The following RBMS1 variants were observed in gnomAD, a reference collection of about 807,000 sequenced individuals.
The protein encoded by RBMS1 is RNA-binding motif, single-stranded-interacting protein 1.
A neutral mutation model predicts 62.3 loss-of-function variants in RBMS1; 17 were observed. That is an observed-to-expected ratio of 0.27 (90% confidence interval 0.19 to 0.41). The LOEUF (loss-of-function observed/expected upper bound fraction) is 0.41. Among genes scored for constraint, RBMS1 ranks in the 10% least tolerant of loss-of-function variants. RBMS1 has a pLI of 1.00. For missense variants in RBMS1, 334 were observed against 504.5 expected, an observed-to-expected ratio of 0.66 and a Z score of 3.24; for synonymous variants, 172 against 170.0, an observed-to-expected ratio of 1.01 and a Z score of -0.09.
At chr2:160,480,236 A>G (rs1196689128) in intron 1 of RBMS1, among the ~76,000 whole-genome samples, 1 of 152,220 alleles carries the variant, frequency 6.6e-6, no homozygotes. Context: ...AACAACATCA[A>G]ATAAACAAAG....
chr2:160,488,349 C>T (rs530719679), intron 1 of RBMS1, among the ~76,000 whole-genome samples: 12 of 152,196 alleles, frequency 7.9e-5, no homozygotes, highest in East Asian at 5.8e-4. Flanking sequence ...GAGGCTGAGG[C>T]GGCGGATCAC....
At chr2:160,311,880 T>A (rs781048844) in intron 4 of RBMS1, among the ~76,000 whole-genome samples, 1 of 152,226 alleles carries the variant, frequency 6.6e-6, no homozygotes, top group Non-Finnish European at 1.5e-5. Flanking sequence ...GTAGGTATTA[T>A]GATGTAATGC....
intron 1 of RBMS1, among the ~76,000 whole-genome samples, chr2:160,410,352 A>T (rs1004765696): frequency 3.3e-5 from 5 of 152,100 alleles, no homozygotes; most frequent in Non-Finnish European, 7.4e-5. Flanking sequence ...TATATGTTTT[A>T]AAAAAACAAT....
chr2:160,485,962 G>A (rs972887928), intron 1 of RBMS1, among the ~76,000 whole-genome samples: 1 of 152,028 alleles, frequency 6.6e-6, no homozygotes, highest in African/African-American at 2.4e-5. Flanking sequence ...AAACCTGTTG[G>A]ATGATGAAAC....
At chr2:160,355,658 T>C (rs915773159) in intron 2 of RBMS1, among the ~76,000 whole-genome samples, 8 of 152,004 alleles carry the variant, frequency 5.3e-5, no homozygotes, top group Non-Finnish European at 8.8e-5. Flanking sequence ...CATCAGTGAA[T>C]ACCAGACAGG....
At chr2:160,444,707 G>T (rs1222590903) in intron 1 of RBMS1, among the ~76,000 whole-genome samples, 1 of 152,148 alleles carries the variant, frequency 6.6e-6, no homozygotes, top group Non-Finnish European at 1.5e-5. Flanking sequence ...GCTGTAGGAG[G>T]TAATTAAAGT....
At chr2:160,409,280 T>TAA (rs34622117) in intron 1 of RBMS1, among the ~76,000 whole-genome samples, 95 of 141,916 alleles carry the variant, frequency 6.7e-4, no homozygotes, top group South Asian at 3.6e-3. Context: ...TTCTTTTCAT[T>TAA]AAAAAAAAAA....
At chr2:160,373,824 T>C (rs1302777946) in intron 1 of RBMS1, among the ~76,000 whole-genome samples, 1 of 152,130 alleles carries the variant, frequency 6.6e-6, no homozygotes, top group African/African-American at 2.4e-5. Context: ...CTTAATTGCA[T>C]TGCTTATAAT....
In RBMS1 at chr2:160,371,928, C is replaced by T. The variant is rs569143149; in HGVS notation, c.76-4537G>A. On this transcript the variant is annotated intron_variant, in intron 1 of 13. Transcript: ENST00000348849. ...GGTAATACTATCTCCCTCTCTATCA[C>T]ATCACCCCCTATAGAGAAGAGAGAA... Among the ~76,000 whole-genome samples the T allele has an allele frequency of 2.6e-4, 39 of 152,336 alleles. 1 individual carries two copies. The Middle Eastern group carries it at 0.01, about 40-fold the overall frequency.
intron 9 of RBMS1, chr2:160,282,392 C>G (rs1688146798): frequency 8.9e-7 from 1 of 1,129,924 alleles, no homozygotes; most frequent in Non-Finnish European, 1.2e-6. Flanking sequence ...TTGGTGGTTT[C>G]TTGCAGCTGC....
intron 1 of RBMS1, among the ~76,000 whole-genome samples, chr2:160,458,370 A>G (rs1684329116): frequency 6.6e-6 from 1 of 152,246 alleles, no homozygotes; most frequent in African/African-American, 2.4e-5. Context: ...ACTCATATTT[A>G]AAGTTACTTA....
Position 160,275,615 on chromosome 2 carries a change from A to T in RBMS1, c.*7+15T>A, listed in dbSNP as rs752757951. On this transcript the variant is annotated intron_variant, in intron 13 of 13. Transcript: ENST00000348849. ...TGATTTGAGCCCCCCAGTTATGAAG[A>T]CCTTTCCCTCATACCTCACAGTTAC... 1 of 1,611,506 alleles carries T rather than the reference A, an allele frequency of 6.2e-7. No individual in the cohort carries two copies. The highest frequency in any genetic ancestry group is 1.7e-5 in the Admixed American group (1 of 59,890).
In RBMS1 at chr2:160,458,567, C is replaced by T. The variant is rs574748399; in HGVS notation, c.75+34722G>A. 1.2e-4 allele frequency among the ~76,000 whole-genome samples: 19 copies of T among 152,220 alleles called. No individual in the cohort carries two copies. In the South Asian group the frequency reaches 3.9e-3, roughly 32 times the overall value. Reference sequence around the variant, plus strand: ...ATCCCAGCACTTTGGGAGGCCAAGGCGGGTGGATCACCTGGGGTCAGGGGC... The same window carrying T: ...ATCCCAGCACTTTGGGAGGCCAAGGTGGGTGGATCACCTGGGGTCAGGGGC... On this transcript the variant is annotated intron_variant, in intron 1 of 13. Transcript: ENST00000348849.
At chr2:160,421,865 T>C (rs1007044435) in intron 1 of RBMS1, among the ~76,000 whole-genome samples, 18 of 152,242 alleles carry the variant, frequency 1.2e-4, no homozygotes, top group African/African-American at 4.3e-4. Flanking sequence ...TGGTATCTCA[T>C]TGTGGTTTTG....
chr2:160,318,229 T>TAAAAAAAAAAAAAAAAAAAAAAGAAAA lies in RBMS1; in HGVS notation c.252-3_252-2insTTTTCTTTTTTTTTTTTTTTTTTTTTT, dbSNP rs1690337597. 1.0e-6 allele frequency: 1 copy of TAAAAAAAAAAAAAAAAAAAAAAGAAAA among 993,498 alleles called. No homozygotes were observed. 61.5% of individuals were successfully genotyped at this position (993,498 alleles called of 1,614,324 possible). A position where few individuals can be genotyped will look rare whatever the true frequency, so the allele number is the denominator to read the frequency against. Reference sequence around the variant, plus strand: ...TTTGTGGAGACTATTTTCCCATATCTAAAAAAAAAAAAAAAAAAAAAAAGG... The same window carrying TAAAAAAAAAAAAAAAAAAAAAAGAAAA: ...TTTGTGGAGACTATTTTCCCATATCTAAAAAAAAAAAAAAAAAAAAAAGAAAAAAAAAAAAAAAAAAAAAAAAAAAGG... On this transcript the variant is annotated splice_polypyrimidine_tract_variant and splice_region_variant and intron_variant, in intron 2 of 13. Coordinates refer to ENST00000348849, the MANE Select transcript of RBMS1 (RefSeq NM_016836.4).
Position 160,303,429 on chromosome 2 carries a change from T to G in RBMS1, c.461A>C (p.Glu154Ala), listed in dbSNP as rs1689321836. ...TTTGAGCATATTTTCTAGTTCTTGC[T>G]CATCCATGGAGAGTGGCAAATTAGA... is the stretch of plus-strand genomic sequence containing the variant. ...YISNLPLSMDEQELENMLKPF... is the reference protein window; with the variant it reads ...YISNLPLSMDAQELENMLKPF... Residue 154 changes from glutamate (E) to alanine (A), a missense_variant, in exon 5 of 14, where the codon GAG (glutamate) becomes GCG (alanine). Physicochemically the swap from Glu to Ala is moderately radical, Grantham distance 107. Transcript: ENST00000348849. The G allele has an allele frequency of 6.2e-7, 1 of 1,613,750 alleles. No individual in the cohort carries two copies. Among genetic ancestry groups the G allele is most frequent in the Non-Finnish European group, 8.5e-7 (1 of 1,179,712 alleles).
intron 1 of RBMS1, among the ~76,000 whole-genome samples, chr2:160,437,783 A>C (rs1683172524): frequency 6.6e-6 from 1 of 152,246 alleles, no homozygotes; most frequent in South Asian, 2.1e-4. Context: ...TTCAGGAAAA[A>C]TCACAGGCAC....
At chr2:160,375,778 G>A (rs1194187177) in intron 1 of RBMS1, among the ~76,000 whole-genome samples, 3 of 151,950 alleles carry the variant, frequency 2.0e-5, no homozygotes, top group African/African-American at 4.8e-5. Flanking sequence ...GAATGCAGGT[G>A]TGCAGTGTTT....
chr2:160,468,634 T>C (rs1235274990), intron 1 of RBMS1, among the ~76,000 whole-genome samples: 2 of 151,442 alleles, frequency 1.3e-5, no homozygotes, highest in Non-Finnish European at 2.9e-5. Flanking sequence ...ATTTGATCAT[T>C]TGGTTAAAAT....
Sources: gnomAD v4.1 joint callset for allele counts (sites outside exome capture counted in the v4.1 genomes callset) on GRCh38, gnomAD v4.1.1 for gene constraint, MANE v1.5 for transcripts, NCBI Gene and HGNC (gene_info 2026-07-23, HGNC 2026-07-21) for gene names.